Variants in RBFOX1 observed in about 807,000 individuals in gnomAD.
RBFOX1 encodes RNA binding fox-1 homolog 1.
Under a neutral mutation model 57.7 loss-of-function variants are expected in RBFOX1, and 8 were observed. That is an observed-to-expected ratio of 0.14 (90% CI 0.08 to 0.25). The LOEUF is 0.25. Among genes scored for constraint, RBFOX1 ranks in the 10% least tolerant of loss-of-function variants. The pLI, the probability that RBFOX1 is intolerant of heterozygous loss-of-function variation, is 1.00. For missense variants in RBFOX1, 611 were observed against 548.5 expected, an observed-to-expected ratio of 1.11 and a Z score of -1.14; for synonymous variants, 326 against 222.4, an observed-to-expected ratio of 1.47 and a Z score of -4.15.
At chr16:7,616,780 C>A (rs556612747) in intron 10 of RBFOX1, among the ~76,000 whole-genome samples, 2 of 152,172 alleles carry the variant, frequency 1.3e-5, no homozygotes, top group South Asian at 4.2e-4. Context: ...AACCCTCCCA[C>A]CTCGGTATTC....
intron 1 of RBFOX1, among the ~76,000 whole-genome samples, chr16:6,055,964 C>G (rs1254041015): frequency 6.6e-6 from 1 of 152,102 alleles, no homozygotes; most frequent in East Asian, 1.9e-4. Context: ...TATGAAATAT[C>G]TCCTAATTTT....
At chr16:5,607,925 C>G (rs73525624) in intron 3 of RBFOX1, among the ~76,000 whole-genome samples, 5,398 of 152,310 alleles carry the variant, frequency 0.035, 326 homozygotes, top group African/African-American at 0.12. Flanking sequence ...TGTATCCATT[C>G]TCCCATGGAT....
At chr16:6,956,636 T>C (rs553205909) in intron 3 of RBFOX1, among the ~76,000 whole-genome samples, 5 of 152,354 alleles carry the variant, frequency 3.3e-5, no homozygotes, top group Admixed American at 2.6e-4. Context: ...TCCCTTCTTG[T>C]GCCTGCTATT....
chr16:7,155,738 TACAC>T (rs138509367), intron 4 of RBFOX1, among the ~76,000 whole-genome samples: 13,907 of 74,240 alleles, frequency 0.19, 1,652 homozygotes, highest in African/African-American at 0.24. Flanking sequence ...TATATATATA[TACAC>T]ACACACACAC....
intron 1 of RBFOX1, among the ~76,000 whole-genome samples, chr16:6,296,683 G>T (rs1372096762): frequency 6.6e-6 from 1 of 152,190 alleles, no homozygotes; most frequent in Admixed American, 6.5e-5. Flanking sequence ...GCCTCCCAAA[G>T]TGCTGGGATT....
intron 4 of RBFOX1, among the ~76,000 whole-genome samples, chr16:7,202,529 T>C (rs2088845511): frequency 6.6e-6 from 1 of 152,220 alleles, no homozygotes; most frequent in African/African-American, 2.4e-5. Context: ...CCCTGGGTCA[T>C]GTAGTGGTAC....
chr16:5,240,104 G>A (rs1299763573), exon 1 of RBFOX1: 4 of 1,522,900 alleles, frequency 2.6e-6, no homozygotes, highest in Admixed American at 2.0e-5. Context: ...GACGGCAGAG[G>A]AGTAAGTGAC....
intron 1 of RBFOX1, among the ~76,000 whole-genome samples, chr16:6,271,700 A>G (rs1320869692): frequency 6.6e-6 from 1 of 152,218 alleles, no homozygotes. Context: ...GACAACTTAG[A>G]TGAAATGGAC....
At chr16:5,667,154 G>A (rs2049873721) in intron 3 of RBFOX1, among the ~76,000 whole-genome samples, 1 of 151,822 alleles carries the variant, frequency 6.6e-6, no homozygotes, top group South Asian at 2.1e-4. Context: ...TTTTGTTGTT[G>A]CTTACTTAGT....
At position 6,566,767 on chromosome 16, in the gene RBFOX1, A is replaced by G. The variant is rs114199447; in HGVS notation, c.-63-87836A>G. Among the ~76,000 whole-genome samples the G allele has an allele frequency of 1.4e-4, 21 of 152,290 alleles. 1 individual carries two copies. The highest frequency in any genetic ancestry group is 4.1e-4 in the African/African-American group (17 of 41,560). ...GAAACAGGATCTGTGTTTGACAAGC[A>G]TGCTTACCCTTTGCTTACTGTTTTA... On this transcript the variant is annotated intron_variant, in intron 2 of 15. Coordinates refer to ENST00000550418, the MANE Select transcript of RBFOX1 (RefSeq NM_018723.4).
At chr16:6,140,578 C>T (rs60840845) in intron 1 of RBFOX1, among the ~76,000 whole-genome samples, 4,764 of 152,192 alleles carry the variant, frequency 0.031, 267 homozygotes, top group African/African-American at 0.11. Context: ...GTTCATTCAC[C>T]TGGGCAATGA....
In RBFOX1 at chr16:6,920,600, A is replaced by C. The variant is rs555341021; in HGVS notation, c.-15-131457A>C. Among the ~76,000 whole-genome samples the C allele has an allele frequency of 3.2e-3, 486 of 152,332 alleles. 1 individual carries two copies. The highest frequency in any genetic ancestry group is 0.025 in the South Asian group (121 of 4,830). ...TACTGTTTGGGGAATTAGAAGTCTG[A>C]AATCAAGATGTGGAGATATTAGCTC... On this transcript the variant is annotated intron_variant, in intron 3 of 15. Coordinates refer to ENST00000550418, the MANE Select transcript of RBFOX1 (RefSeq NM_018723.4).
intron 4 of RBFOX1, among the ~76,000 whole-genome samples, chr16:5,899,814 C>G (rs995777739): frequency 5.9e-5 from 9 of 152,204 alleles, no homozygotes; most frequent in Non-Finnish European, 1.2e-4. Context: ...TGGCTTACAC[C>G]TGCAATCGCA....
chr16:7,531,407 T>C (rs2080039892), intron 5 of RBFOX1, among the ~76,000 whole-genome samples: 1 of 152,158 alleles, frequency 6.6e-6, no homozygotes, highest in African/African-American at 2.4e-5. Flanking sequence ...TCAGATTGAA[T>C]TTTTACAGCA....
At chr16:7,150,012 G>C (rs1023612958) in intron 4 of RBFOX1, among the ~76,000 whole-genome samples, 4 of 152,038 alleles carry the variant, frequency 2.6e-5, no homozygotes, top group African/African-American at 9.7e-5. Flanking sequence ...CTCCACCTCT[G>C]TTCTGACTCA....
At chr16:6,725,071 G>C (rs1185112315) in intron 3 of RBFOX1, among the ~76,000 whole-genome samples, 2 of 91,894 alleles carry the variant, frequency 2.2e-5, no homozygotes, top group South Asian at 3.9e-4. Flanking sequence ...TTTTTTTTGA[G>C]ACAAAGTCTT....
At chr16:6,619,787 A>G (rs2098199998) in intron 2 of RBFOX1, among the ~76,000 whole-genome samples, 1 of 149,902 alleles carries the variant, frequency 6.7e-6, no homozygotes, top group Non-Finnish European at 1.5e-5. Context: ...GACTTGTTGT[A>G]CAGATGATTT....
intron 2 of RBFOX1, among the ~76,000 whole-genome samples, chr16:6,596,148 G>T (rs80342443): frequency 6.6e-6 from 1 of 152,004 alleles, no homozygotes; most frequent in East Asian, 1.9e-4. Flanking sequence ...ATTTTTTATT[G>T]CTTATTCTTT....
chr16:6,910,411 A>G (rs1284826012), intron 3 of RBFOX1, among the ~76,000 whole-genome samples: 1 of 152,182 alleles, frequency 6.6e-6, no homozygotes, highest in East Asian at 1.9e-4. Flanking sequence ...ACTTTATCTC[A>G]GGAATTCTGT....
Sources: gnomAD v4.1 joint callset for allele counts (sites outside exome capture counted in the v4.1 genomes callset) on GRCh38, gnomAD v4.1.1 for gene constraint, MANE v1.5 for transcripts, NCBI Gene and HGNC (gene_info 2026-07-23, HGNC 2026-07-21) for gene names.